TMEM132D: variants seen among roughly 807,000 people sequenced by gnomAD.
The protein encoded by TMEM132D is mature OL transmembrane protein.
TMEM132D carries 21 observed loss-of-function variants against 62.3 expected under a neutral mutation model. The ratio of observed to expected loss-of-function variants is 0.34; its 90% confidence interval spans 0.24 to 0.49. The LOEUF is 0.49. Ranked by LOEUF, TMEM132D falls within the 20% of genes least tolerant of loss-of-function variation. TMEM132D has a pLI of 0.99. For missense variants in TMEM132D, 1,346 were observed against 1,402.8 expected (o/e 0.96, Z 0.65); for synonymous variants, 621 against 575.6 (o/e 1.08, Z -1.13).
At chr12:129,444,033 G>T (rs1593011185) in intron 3 of TMEM132D, among the ~76,000 whole-genome samples, 2 of 152,106 alleles carry the variant, frequency 1.3e-5, no homozygotes, top group South Asian at 4.1e-4. Context: ...CCCAATAAAT[G>T]ATGCTGGGAT....
At chr12:129,527,121 C>CA (rs1876069613) in intron 3 of TMEM132D, among the ~76,000 whole-genome samples, 1 of 152,146 alleles carries the variant, frequency 6.6e-6, no homozygotes, top group Admixed American at 6.5e-5. Flanking sequence ...CCAGCTTGGG[C>CA]AACGGGGCAA....
At chr12:129,841,347 G>C (rs571240162) in intron 1 of TMEM132D, among the ~76,000 whole-genome samples, 1 of 152,164 alleles carries the variant, frequency 6.6e-6, no homozygotes, top group African/African-American at 2.4e-5. Context: ...ATAGGTGGTT[G>C]CTTCCAAGCC....
At chr12:129,847,119 G>A (rs1279269955) in intron 1 of TMEM132D, among the ~76,000 whole-genome samples, 2 of 152,238 alleles carry the variant, frequency 1.3e-5, no homozygotes, top group Non-Finnish European at 2.9e-5. Flanking sequence ...CTATTTCAAA[G>A]TAGATGTTGA....
intron 4 of TMEM132D, among the ~76,000 whole-genome samples, chr12:129,324,511 C>T (rs1325587499): frequency 6.6e-6 from 1 of 151,936 alleles, no homozygotes; most frequent in Admixed American, 6.6e-5. Flanking sequence ...TTACTTTTAC[C>T]TTAATTTCTT....
At chr12:129,675,362 G>A (rs1036858214) in intron 2 of TMEM132D, among the ~76,000 whole-genome samples, 2 of 151,474 alleles carry the variant, frequency 1.3e-5, no homozygotes, top group Admixed American at 1.3e-4. Flanking sequence ...ATCACACACC[G>A]GGGCCTGTCG....
intron 1 of TMEM132D, among the ~76,000 whole-genome samples, chr12:129,701,829 T>A (rs7311162): frequency 5.9e-5 from 9 of 152,072 alleles, no homozygotes; most frequent in Non-Finnish European, 8.8e-5. Flanking sequence ...CACTCATGGC[T>A]CCACCTTTCT....
At chr12:129,140,239 C>CACAT (rs1199824020) in intron 5 of TMEM132D, among the ~76,000 whole-genome samples, 1 of 151,680 alleles carries the variant, frequency 6.6e-6, no homozygotes, top group African/African-American at 2.4e-5. Flanking sequence ...CACACACACA[C>CACAT]ACACGGTAAC....
At chr12:129,590,292 C>T (rs931255901) in intron 2 of TMEM132D, among the ~76,000 whole-genome samples, 1 of 152,136 alleles carries the variant, frequency 6.6e-6, no homozygotes, top group African/African-American at 2.4e-5. Flanking sequence ...AAAGGGCCAC[C>T]ACGTCAGAAC....
intron 4 of TMEM132D, among the ~76,000 whole-genome samples, chr12:129,232,135 G>A (rs999723519): frequency 6.6e-6 from 1 of 152,142 alleles, no homozygotes; most frequent in Non-Finnish European, 1.5e-5. Context: ...GTTGCAGCCC[G>A]GATCTTGGGA....
chr12:129,780,782 T>C lies in TMEM132D; in HGVS notation c.80-80084A>G, dbSNP rs1036652213. ...TTCATCCGGTACCTTTTTACCATCA[T>C]TAAATTGAAGAGAAAATTGAAACAG... On this transcript the variant is annotated intron_variant, in intron 1 of 8. Transcript: ENST00000422113. Among the ~76,000 whole-genome samples, 8 of 152,194 alleles carry C rather than the reference T, an allele frequency of 5.3e-5. No individual in the cohort carries two copies. The East Asian group carries it at 5.8e-4, about 11-fold the overall frequency.
intron 5 of TMEM132D, among the ~76,000 whole-genome samples, chr12:129,127,798 C>T (rs555563720): frequency 3.3e-5 from 5 of 152,318 alleles, no homozygotes; most frequent in South Asian, 4.1e-4. Flanking sequence ...ACTTTGCACC[C>T]GATGCCTCTT....
At chr12:129,459,566 C>A (rs1873590812) in intron 3 of TMEM132D, among the ~76,000 whole-genome samples, 1 of 152,066 alleles carries the variant, frequency 6.6e-6, no homozygotes, top group African/African-American at 2.4e-5. Flanking sequence ...AAGAGGAATT[C>A]TAGAGAAGTG....
Position 129,504,539 on chromosome 12 carries a change from A to AT in TMEM132D, c.1115+26519dup, listed in dbSNP as rs544275994. Among the ~76,000 whole-genome samples the AT allele has an allele frequency of 8.8e-4, 134 of 152,100 alleles. 1 individual carries two copies. The highest frequency in any genetic ancestry group is 2.8e-3 in the African/African-American group (117 of 41,492). On this transcript the variant is annotated intron_variant, in intron 3 of 8. Transcript: ENST00000422113. Reference sequence around the variant, plus strand: ...AAGGTATTCATAGTAGCCTTGAATTATTTTTTGTATTTCTGTGGTGTCAGT... The same window carrying AT: ...AAGGTATTCATAGTAGCCTTGAATTATTTTTTTGTATTTCTGTGGTGTCAGT...
chr12:129,647,121 C>CATACATAT (rs968615665), intron 2 of TMEM132D, among the ~76,000 whole-genome samples: 2 of 146,400 alleles, frequency 1.4e-5, no homozygotes, highest in East Asian at 4.0e-4. Context: ...TACATACATA[C>CATACATAT]ATATATATAT....
chr12:129,118,438 C>T (rs934211294), intron 5 of TMEM132D, among the ~76,000 whole-genome samples: 1 of 152,232 alleles, frequency 6.6e-6, no homozygotes, highest in Non-Finnish European at 1.5e-5. Flanking sequence ...CCCCAGCACT[C>T]CCTTGGAGCC....
intron 1 of TMEM132D, among the ~76,000 whole-genome samples, chr12:129,767,856 G>A (rs1285824409): frequency 1.3e-5 from 2 of 152,188 alleles, no homozygotes; most frequent in African/African-American, 4.8e-5. Flanking sequence ...GGAAAAAGAG[G>A]TTTAATGAAC....
At chr12:129,268,735 A>G (rs892284260) in intron 4 of TMEM132D, among the ~76,000 whole-genome samples, 2 of 152,186 alleles carry the variant, frequency 1.3e-5, no homozygotes, top group African/African-American at 4.8e-5. Flanking sequence ...TTATTGGGGC[A>G]CTATTCACAA....
At chr12:129,554,426 A>T (rs1876994201) in intron 2 of TMEM132D, among the ~76,000 whole-genome samples, 1 of 152,108 alleles carries the variant, frequency 6.6e-6, no homozygotes, top group African/African-American at 2.4e-5. Flanking sequence ...TGGTCGAGAG[A>T]GAGAAGCGTG....
At chr12:129,514,118 C>T (rs985696824) in intron 3 of TMEM132D, among the ~76,000 whole-genome samples, 6 of 151,908 alleles carry the variant, frequency 3.9e-5, no homozygotes, top group South Asian at 2.1e-4. Flanking sequence ...GGATTACAGG[C>T]GTGAGCCACC....
Sources: gnomAD v4.1 joint callset for allele counts (sites outside exome capture counted in the v4.1 genomes callset) on GRCh38, gnomAD v4.1.1 for gene constraint, MANE v1.5 for transcripts, NCBI Gene and HGNC (gene_info 2026-07-23, HGNC 2026-07-21) for gene names.